Variants in HAVCR1 observed in about 807,000 individuals in gnomAD.
HAVCR1 encodes the protein hepatitis A virus cellular receptor 1, also known as T cell immunoglobin domain and mucin domain protein 1.
Under a neutral mutation model 32.0 loss-of-function variants are expected in HAVCR1, and 34 were observed. The ratio of observed to expected loss-of-function variants is 1.06; its 90% CI spans 0.81 to 1.42. HAVCR1 has a LOEUF of 1.42. Ranked by LOEUF, HAVCR1 falls within the 40% of genes most tolerant of loss-of-function variation. The pLI, the probability that HAVCR1 is intolerant of heterozygous loss-of-function variation, is 0.00. For synonymous variants in HAVCR1, 178 were observed against 170.3 expected (o/e 1.05, Z -0.35); for missense variants, 420 against 442.3 (o/e 0.95, Z 0.45).
intron 8 of HAVCR1, among the ~76,000 whole-genome samples, chr5:157,031,169 G>A (rs2113467308): frequency 6.6e-6 from 1 of 152,248 alleles, no homozygotes; most frequent in African/African-American, 2.4e-5. Flanking sequence ...TGTAAAATGA[G>A]AATAGTGCCT....
At chr5:157,041,553 T>C (rs1478976683) in intron 6 of HAVCR1, among the ~76,000 whole-genome samples, 1 of 152,128 alleles carries the variant, frequency 6.6e-6, no homozygotes, top group Admixed American at 6.6e-5. Context: ...GGTTTATGTA[T>C]AGAAAAACAT....
the HAVCR1 span, among the ~76,000 whole-genome samples, chr5:157,065,180 G>T: frequency 6.6e-6 from 1 of 152,074 alleles, no homozygotes; most frequent in Non-Finnish European, 1.5e-5. Flanking sequence ...TTAGCCAGGC[G>T]TGGTGGCAGG....
rs200673192 is a variant in HAVCR1, at chr5:157,052,445, G to T, written c.589C>A (p.Pro197Thr). The T allele has an allele frequency of 6.2e-7, 1 of 1,612,206 alleles. No individual in the cohort carries two copies. Among genetic ancestry groups the T allele is most frequent in the East Asian group, 2.2e-5 (1 of 44,826 alleles). Residue 197 changes from proline (P) to threonine (T), a missense_variant, in exon 4 of 9, where the codon CCA becomes ACA. Pro to Thr is a conservative substitution (Grantham distance 38). Transcript: ENST00000523175. ...GTCACTGGAACACTTGTTGTTGTTGGAATGCTCGTTGTCGTTGGAACGCTC... is the reference window on the plus strand; with the variant it reads ...GTCACTGGAACACTTGTTGTTGTTGTAATGCTCGTTGTCGTTGGAACGCTC... ...TTSVPTTTSI[P>T]TTTSVPVTTT...
At chr5:157,063,285 AT>A (rs70984433), upstream of HAVCR1, among the ~76,000 whole-genome samples, 71,346 of 131,614 alleles carry the variant, frequency 0.54, 19,059 homozygotes, top group East Asian at 0.8. Context: ...TGTAACTTAC[AT>A]TTTTTTTTTT....
intron 5 of HAVCR1, among the ~76,000 whole-genome samples, chr5:157,045,829 A>T (rs1755364061): frequency 6.6e-6 from 1 of 152,176 alleles, no homozygotes; most frequent in African/African-American, 2.4e-5. Context: ...AAATGGCAGC[A>T]GCCACACAAA....
upstream of HAVCR1, among the ~76,000 whole-genome samples, chr5:157,063,946 C>T (rs1163894828): frequency 2.6e-5 from 4 of 152,258 alleles, no homozygotes; most frequent in African/African-American, 7.2e-5. Context: ...GAGAGGCCAG[C>T]GTGACTGCAA....
At position 157,044,597 on chromosome 5, in the gene HAVCR1, A is replaced by AAGAAAGAAAG. The variant is rs1312903496; in HGVS notation, c.782-1925_782-1916dup. 6.7e-3 allele frequency among the ~76,000 whole-genome samples: 557 copies of AAGAAAGAAAG among 83,368 alleles called. 15 individuals carry two copies. The highest frequency in any genetic ancestry group is 0.019 in the African/African-American group (300 of 15,492). The allele number at this position is 83,368 out of a possible 152,430, so 54.7% of individuals were successfully genotyped here. The stretch of plus-strand genomic sequence containing the variant: ...AGACAAAGAAAGAAGGAAAGAAAGA[A>AAGAAAGAAAG]AGAAAGAAAGAAAGAAAGAGAAAGA... On this transcript the variant is annotated intron_variant, in intron 5 of 8. Transcript: ENST00000523175.
At chr5:157,048,779 G>A (rs969039956) in intron 5 of HAVCR1, among the ~76,000 whole-genome samples, 4 of 152,126 alleles carry the variant, frequency 2.6e-5, no homozygotes, top group East Asian at 1.9e-4. Flanking sequence ...GCAGTGAGCC[G>A]AGATCGTGCC....
At chr5:157,048,382 T>C (rs1755532912) in intron 5 of HAVCR1, among the ~76,000 whole-genome samples, 1 of 152,236 alleles carries the variant, frequency 6.6e-6, no homozygotes, top group African/African-American at 2.4e-5. Context: ...AAGCTATCTG[T>C]GCAGTCAGGC....
intron 2 of HAVCR1, among the ~76,000 whole-genome samples, chr5:157,057,034 A>G (rs1002208839): frequency 4.6e-5 from 7 of 151,910 alleles, no homozygotes; most frequent in Admixed American, 2.6e-4. Context: ...TTGCCCAACT[A>G]GGCCAGGCGC....
upstream of HAVCR1, among the ~76,000 whole-genome samples, chr5:157,059,278 G>C (rs1756407900): frequency 6.6e-6 from 1 of 152,216 alleles, no homozygotes; most frequent in African/African-American, 2.4e-5. Context: ...TAAGAATTCA[G>C]TAACTTCCAA....
At chr5:157,066,506 C>CAA in the HAVCR1 span, among the ~76,000 whole-genome samples, 18,124 of 129,468 alleles carry the variant, frequency 0.14, 1,399 homozygotes, top group Admixed American at 0.21. Flanking sequence ...CCCCATCTTC[C>CAA]AAAAAAAAAA....
At chr5:157,032,330 C>T (rs529449757) in intron 8 of HAVCR1, among the ~76,000 whole-genome samples, 6 of 152,156 alleles carry the variant, frequency 3.9e-5, no homozygotes, top group Admixed American at 1.3e-4. Context: ...ACCAGCCTAA[C>T]CAACATGGAG....
chr5:157,042,495 C>A, intron 6 of HAVCR1, 132 bp downstream of exon 6: 3 of 496,112 alleles, frequency 6.0e-6, no homozygotes, highest in African/African-American at 2.0e-5. Flanking sequence ...AAATTATTTT[C>A]TTCAACTTTT....
intron 6 of HAVCR1, 147 bp downstream of exon 6, chr5:157,042,480 G>A (rs1754966989): frequency 5.9e-6 from 3 of 510,426 alleles, no homozygotes; most frequent in Admixed American, 3.8e-5. Context: ...TCCTATTTAA[G>A]AGTGAAATTA....
At chr5:157,033,512 G>A (rs1581674644) in intron 7 of HAVCR1, among the ~76,000 whole-genome samples, 1 of 136,572 alleles carries the variant, frequency 7.3e-6, no homozygotes, top group African/African-American at 2.8e-5. Flanking sequence ...TCCTCCAGAA[G>A]ATATTCTGTT....
intron 7 of HAVCR1, 104 bp downstream of exon 7, chr5:157,037,143 G>C: frequency 1.4e-6 from 1 of 735,206 alleles, no homozygotes; most frequent in South Asian, 1.5e-5. Context: ...GGAGACAAAG[G>C]GAAGTCGTGT....
intron 6 of HAVCR1, 96 bp downstream of exon 6, chr5:157,042,531 T>C: frequency 1.5e-6 from 1 of 646,040 alleles, no homozygotes; most frequent in Non-Finnish European, 2.6e-6. Flanking sequence ...AAAAATTCTG[T>C]GGGCTAGTCT....
At position 157,055,422 on chromosome 5, in the gene HAVCR1, G is replaced by GA; in HGVS notation, c.157dup (p.Ser53PhefsTer26). ...AATGCCATTTTGGCATGTGAATAGA[G>GA]AACATGAGCCTCTATTCCAGCACAT... On this transcript the variant is annotated frameshift_variant, in exon 3 of 9. Coordinates refer to ENST00000523175, the MANE Select transcript of HAVCR1 (RefSeq NM_001173393.3). LOFTEE classifies it high-confidence loss of function. The GA allele has an allele frequency of 6.2e-7, 1 of 1,612,226 alleles. No individual in the cohort carries two copies. Among genetic ancestry groups the GA allele is most frequent in the Non-Finnish European group, 8.5e-7 (1 of 1,178,246 alleles).
Sources: allele counts gnomAD v4.1 joint callset (sites outside exome capture counted in the v4.1 genomes callset), GRCh38; gene constraint gnomAD v4.1.1; transcripts MANE v1.5; gene names NCBI Gene and HGNC (gene_info 2026-07-23, HGNC 2026-07-21).